Variants in SLAMF1 observed in about 807,000 individuals in gnomAD.
SLAMF1 encodes signaling lymphocytic activation molecule.
Under a neutral mutation model 35.1 loss-of-function variants are expected in SLAMF1, and 18 were observed. The ratio of observed to expected loss-of-function variants is 0.51; its 90% CI spans 0.35 to 0.76. The LOEUF is 0.76. Ranked by LOEUF, SLAMF1 falls within the 30% of genes least tolerant of loss-of-function variation. SLAMF1 has a pLI of 0.01. For synonymous variants in SLAMF1, 168 were observed against 157.2 expected, an observed-to-expected ratio of 1.07 and a Z score of -0.51; for missense variants, 392 against 413.0, an observed-to-expected ratio of 0.95 and a Z score of 0.44.
At chr1:160,623,109 T>G (rs1250667967) in intron 4 of SLAMF1, among the ~76,000 whole-genome samples, 1 of 152,054 alleles carries the variant, frequency 6.6e-6, no homozygotes, top group African/African-American at 2.4e-5. Flanking sequence ...ATAAGCCAAG[T>G]GTGGTTGAGG....
chr1:160,630,136 C>A (rs1274781169), intron 3 of SLAMF1, among the ~76,000 whole-genome samples: 1 of 152,198 alleles, frequency 6.6e-6, no homozygotes, highest in Non-Finnish European at 1.5e-5. Context: ...ACAGCCATAT[C>A]TATTTCAGAA....
chr1:160,645,160 A>G (rs1216967212), intron 1 of SLAMF1, among the ~76,000 whole-genome samples: 1 of 152,222 alleles, frequency 6.6e-6, no homozygotes, highest in Non-Finnish European at 1.5e-5. Flanking sequence ...GATTTTTACA[A>G]TTCTGACTGG....
rs757926113 is a variant in SLAMF1 at position 160,637,217 on chromosome 1, C to T, written c.389G>A (p.Arg130His). 27 of 1,613,928 alleles carry T rather than the reference C, an allele frequency of 1.7e-5. No individual in the cohort carries two copies. The highest frequency in any genetic ancestry group is 2.2e-5 in the East Asian group (1 of 44,890). The change falls in exon 2 of 7, where the codon CGC becomes CAC. Residue 130 changes from arginine to histidine, a missense_variant. Transcript: ENST00000302035. ...MTLEKNVSVQ[R>H]FCLQLRLYEQ... ...ATAAAGCCTCAACTGCAGGCAAAAG[C>T]GCTGAACTGAAACATTTTTCTCCAG... is the stretch of plus-strand genomic sequence containing the variant.
At chr1:160,644,858 A>C (rs1159969080) in intron 1 of SLAMF1, among the ~76,000 whole-genome samples, 4 of 152,070 alleles carry the variant, frequency 2.6e-5, no homozygotes, top group African/African-American at 9.7e-5. Context: ...CTTGTCCCTC[A>C]CCTTCCCCCA....
rs190344514 is a variant in SLAMF1, at chr1:160,620,819, C to T, written c.791-970G>A. The stretch of plus-strand genomic sequence containing the variant: ...CAGTGTCTAATACAGCTTACAGACA[C>T]GGGGCTATGGAGCACCTGAACTGTG... On this transcript the variant is annotated intron_variant, in intron 4 of 6. Transcript: ENST00000302035. Among the ~76,000 whole-genome samples, 117 of 152,312 alleles carry T rather than the reference C, an allele frequency of 7.7e-4. 1 individual carries two copies. Among genetic ancestry groups the T allele is most frequent in the African/African-American group, 2.7e-3 (112 of 41,572 alleles).
In SLAMF1 at chr1:160,619,731, C is replaced by G. The variant is rs754957258; in HGVS notation, c.864+45G>C. ...GCAAGGTAGACTGGCCAGGAATACTCTAGGAAACATGACAGGTTCATCTCA... is the reference window on the plus strand; with the variant it reads ...GCAAGGTAGACTGGCCAGGAATACTGTAGGAAACATGACAGGTTCATCTCA... On this transcript the variant is annotated intron_variant, in intron 5 of 6. Transcript: ENST00000302035. The G allele has an allele frequency of 4.0e-6, 5 of 1,241,930 alleles. No homozygotes were observed. In the South Asian group the frequency reaches 4.8e-5, roughly 12 times the overall value. The allele number at this position is 1,241,930 out of a possible 1,614,324, so 76.9% of individuals were successfully genotyped here.
intron 1 of SLAMF1, among the ~76,000 whole-genome samples, chr1:160,639,773 A>G (rs1335981702): frequency 6.6e-6 from 1 of 152,110 alleles, no homozygotes; most frequent in Non-Finnish European, 1.5e-5. Context: ...GAATAAAACC[A>G]TAGTCCATTA....
intron 5 of SLAMF1, chr1:160,615,694 A>T: frequency 3.3e-6 from 1 of 306,828 alleles, no homozygotes. Context: ...AAAGGTCTTC[A>T]CAGATGTCAA....
chr1:160,611,157 T>C (rs1279686273), intron 6 of SLAMF1, among the ~76,000 whole-genome samples: 2 of 152,180 alleles, frequency 1.3e-5, no homozygotes, highest in Admixed American at 6.5e-5. Context: ...AAGAGAGTTG[T>C]AAATTATTGA....
At chr1:160,643,867 A>G (rs1292990776) in intron 1 of SLAMF1, among the ~76,000 whole-genome samples, 1 of 152,244 alleles carries the variant, frequency 6.6e-6, no homozygotes, top group Non-Finnish European at 1.5e-5. Context: ...ATACATTTGG[A>G]AAGACACACA....
Position 160,615,748 on chromosome 1 carries a change from C to T in SLAMF1, c.865-3168G>A, listed in dbSNP as rs79977141. 33 of 349,706 alleles carry T rather than the reference C, an allele frequency of 9.4e-5. No individual in the cohort carries two copies. The East Asian group carries it at 2.9e-3, about 31-fold the overall frequency. 21.7% of individuals were successfully genotyped at this position (349,706 alleles called of 1,614,324 possible). ...AGGTCATCCTGGATTAGAATAAGTC[C>T]GAAGTCTGATGATGACTGTCCTTAT... is the stretch of plus-strand genomic sequence containing the variant. On this transcript the variant is annotated intron_variant, in intron 5 of 6. Transcript: ENST00000302035.
At chr1:160,633,242 AT>A (rs1438673827) in intron 3 of SLAMF1, among the ~76,000 whole-genome samples, 1 of 152,044 alleles carries the variant, frequency 6.6e-6, no homozygotes, top group Non-Finnish European at 1.5e-5. Context: ...TAGCCTCTGA[AT>A]GTGGTTTGTA....
intron 1 of SLAMF1, among the ~76,000 whole-genome samples, chr1:160,639,494 T>C (rs112642809): frequency 0.028 from 4,267 of 152,272 alleles, 201 homozygotes; most frequent in African/African-American, 0.097. Context: ...CCCAAAGTGC[T>C]GGGATTACAG....
chr1:160,622,948 T>G (rs1051459848), intron 4 of SLAMF1, among the ~76,000 whole-genome samples: 2 of 152,144 alleles, frequency 1.3e-5, no homozygotes, highest in Non-Finnish European at 2.9e-5. Flanking sequence ...AAATATAAAT[T>G]TTACCGCAAG....
Position 160,608,148 on chromosome 1 carries a change from T to C in SLAMF1, c.*2600A>G, listed in dbSNP as rs1227070490. ...CTGTAATTTATTCATTTCCAAAAAG[T>C]AGAAACATAAACTTCAGAAGAAGAA... On this transcript the variant is annotated 3_prime_UTR_variant, in exon 7 of 7. Transcript: ENST00000302035. The C allele has an allele frequency of 2.0e-5, 3 of 152,170 alleles. No individual in the cohort carries two copies. 9.4% of individuals were successfully genotyped at this position (152,170 alleles called of 1,614,324 possible).
rs1661021836 is a variant in SLAMF1, at chr1:160,645,960, C to A, written c.76+910G>T. On this transcript the variant is annotated intron_variant, in intron 1 of 6. Coordinates refer to ENST00000302035, the MANE Select transcript of SLAMF1 (RefSeq NM_003037.5). ...CCCCGTGTCCGTAATGCCACCTCTT[C>A]TACTCCAGGCTACCTCCCACAGTCT... is the stretch of plus-strand genomic sequence containing the variant. 2.0e-5 allele frequency among the ~76,000 whole-genome samples: 3 copies of A among 152,158 alleles called. No homozygotes were observed. The South Asian group carries it at 6.2e-4, about 32-fold the overall frequency.
At chr1:160,618,649 C>A (rs1659442968) in intron 5 of SLAMF1, among the ~76,000 whole-genome samples, 1 of 152,130 alleles carries the variant, frequency 6.6e-6, no homozygotes, top group South Asian at 2.1e-4. Flanking sequence ...CAGTCCTGAA[C>A]TGATGAATGC....
rs755120225 is a variant in SLAMF1, at chr1:160,634,774, G to A, written c.539C>T (p.Ala180Val). 22 of 1,613,952 alleles carry A rather than the reference G, an allele frequency of 1.4e-5. No homozygotes were observed. Among genetic ancestry groups the A allele is most frequent in the Admixed American group, 5.0e-5 (3 of 59,996 alleles). Residue 180 changes from alanine (A) to valine (V), a missense_variant, in exon 3 of 7, where the codon GCG (alanine) becomes GTG (valine). Physicochemically the swap from Ala to Val is moderately conservative, Grantham distance 64 (BLOSUM62 0). Transcript: ENST00000302035. The part of the protein sequence containing the change: ...DHVAYSWSEK[A>V]GTHPLNPANS... ...GGCTGGGTTCAGTGGGTGGGTGCCC[G>A]CCTTTTCACTCCAGCTGTAAGCCAC... is the stretch of plus-strand genomic sequence containing the variant.
At chr1:160,630,606 G>C (rs1660115672) in intron 3 of SLAMF1, among the ~76,000 whole-genome samples, 1 of 152,104 alleles carries the variant, frequency 6.6e-6, no homozygotes, top group Admixed American at 6.5e-5. Context: ...TAGGAAAAAT[G>C]TCTTTGTTAA....
Sources: gnomAD v4.1 joint callset for allele counts (sites outside exome capture counted in the v4.1 genomes callset) on GRCh38, gnomAD v4.1.1 for gene constraint, MANE v1.5 for transcripts, NCBI Gene and HGNC (gene_info 2026-07-23, HGNC 2026-07-21) for gene names.